Variants in KCNU1 observed in about 807,000 individuals in gnomAD.
KCNU1 encodes potassium calcium-activated channel subfamily U member 1.
A neutral mutation model predicts 126.8 loss-of-function variants in KCNU1; 93 were observed. That is an observed-to-expected ratio of 0.73 (90% CI 0.62 to 0.87). The LOEUF (loss-of-function observed/expected upper bound fraction) is 0.87. KCNU1 is among the 40% of genes least tolerant of loss of function. The pLI is 0.00. For missense variants in KCNU1, 1,330 were observed against 1,367.1 expected (o/e 0.97, Z 0.43); for synonymous variants, 523 against 494.2 (o/e 1.06, Z -0.77).
chr8:36,784,381 C>T lies in KCNU1; in HGVS notation c.-30C>T. On this transcript the variant is annotated 5_prime_UTR_variant, in exon 1 of 27. Transcript: ENST00000399881. ...GGCGACCACGGCGTCATCAAATGAC[C>T]TGGCAATTCCGTCTACTGATGTCTC... 6.4e-7 allele frequency: 1 copy of T among 1,570,418 alleles called. No individual in the cohort carries two copies. Among genetic ancestry groups the T allele is most frequent in the Non-Finnish European group, 8.7e-7 (1 of 1,150,806 alleles).
intron 19 of KCNU1, among the ~76,000 whole-genome samples, chr8:36,881,483 C>A (rs948582923): frequency 3.3e-5 from 5 of 152,054 alleles, no homozygotes; most frequent in Admixed American, 6.6e-5. Context: ...CTTCACTTCC[C>A]AAAGCACTGG....
intron 7 of KCNU1, 26 bp downstream of exon 7, chr8:36,808,819 T>A (rs1192459314): frequency 1.3e-6 from 2 of 1,537,538 alleles, no homozygotes; most frequent in African/African-American, 1.4e-5. Flanking sequence ...CAATCCCTAG[T>A]GGTGTCTGTT....
At chr8:36,829,723 A>G (rs1804460361) in intron 10 of KCNU1, among the ~76,000 whole-genome samples, 1 of 151,454 alleles carries the variant, frequency 6.6e-6, no homozygotes, top group Non-Finnish European at 1.5e-5. Flanking sequence ...TGACTGCTTT[A>G]TGCTACAAAC....
rs188166780 is a variant in KCNU1 at position 36,869,855 on chromosome 8, G to A, written c.2009+5334G>A. On this transcript the variant is annotated intron_variant, in intron 19 of 26. Transcript: ENST00000399881. Reference sequence around the variant, plus strand: ...ATGTCTCTGGTTCTTAGACTTCTACGTTTTTGCTACCACTTTCTTTCACAT... The same window carrying A: ...ATGTCTCTGGTTCTTAGACTTCTACATTTTTGCTACCACTTTCTTTCACAT... 1.5e-3 allele frequency among the ~76,000 whole-genome samples: 224 copies of A among 152,146 alleles called. 1 individual carries two copies. Among genetic ancestry groups the A allele is most frequent in the African/African-American group, 4.7e-3 (195 of 41,506 alleles).
chr8:36,888,761 T>A, intron 19 of KCNU1: 1 of 533,924 alleles, frequency 1.9e-6, no homozygotes, highest in Non-Finnish European at 3.8e-6. Context: ...TATCAAAGAT[T>A]ACATGAAATC....
At chr8:36,808,096 A>C (rs1315919461) in intron 6 of KCNU1, among the ~76,000 whole-genome samples, 4 of 152,130 alleles carry the variant, frequency 2.6e-5, no homozygotes, top group Admixed American at 6.5e-5. Flanking sequence ...GTGTTTATGA[A>C]TTATGGAGAA....
At chr8:36,835,344 TTTTC>T (rs1051443835) in intron 12 of KCNU1, among the ~76,000 whole-genome samples, 4 of 150,472 alleles carry the variant, frequency 2.7e-5, no homozygotes, top group African/African-American at 9.7e-5. Context: ...TTTTCTTTTC[TTTTC>T]TTTTTTTTTT....
intron 16 of KCNU1, among the ~76,000 whole-genome samples, 163 bp from the exon 17 acceptor site, chr8:36,845,417 A>G (rs551605861): frequency 6.6e-6 from 1 of 152,200 alleles, no homozygotes; most frequent in Non-Finnish European, 1.5e-5. Flanking sequence ...AAAGAATTAC[A>G]AATGTCAAAT....
At chr8:36,913,748 C>T (rs1351968031) in intron 22 of KCNU1, among the ~76,000 whole-genome samples, 1 of 151,954 alleles carries the variant, frequency 6.6e-6, no homozygotes, top group Non-Finnish European at 1.5e-5. Flanking sequence ...ACTACAGGCA[C>T]CCGCCACCAT....
intron 19 of KCNU1, among the ~76,000 whole-genome samples, chr8:36,897,738 C>T (rs547650840): frequency 6.6e-6 from 1 of 152,102 alleles, no homozygotes; most frequent in African/African-American, 2.4e-5. Flanking sequence ...ACCTTTCATC[C>T]CTAGTCACAG....
Position 36,822,387 on chromosome 8 carries a change from G to A in KCNU1, c.1106+4627G>A, listed in dbSNP as rs113839857. Among the ~76,000 whole-genome samples, 341 of 152,088 alleles carry A rather than the reference G, an allele frequency of 2.2e-3. 11 individuals are homozygous for A. The highest frequency in any genetic ancestry group is 7.9e-3 in the African/African-American group (326 of 41,492). On this transcript the variant is annotated intron_variant, in intron 10 of 26. Coordinates refer to ENST00000399881, the MANE Select transcript of KCNU1 (RefSeq NM_001031836.3). ...ATGTTCTAGACCACTAAAGCTCTCAGCCAAAGTCAGTCCTATAAAGGACTC... is the reference window on the plus strand; with the variant it reads ...ATGTTCTAGACCACTAAAGCTCTCAACCAAAGTCAGTCCTATAAAGGACTC...
chr8:36,844,540 G>A (rs1229664032), intron 16 of KCNU1, among the ~76,000 whole-genome samples: 1 of 152,164 alleles, frequency 6.6e-6, no homozygotes, highest in Non-Finnish European at 1.5e-5. Flanking sequence ...TAAATACTCA[G>A]AAAAGGCCAT....
In KCNU1 at chr8:36,784,492, A is replaced by T. The variant is rs776353977; in HGVS notation, c.82A>T (p.Ile28Phe). ...CACAACTGAGATCCAAGCAGCATTC[A>T]TTCTCTCTTCCTTTGTGACCTTCTT... ...SCTTEIQAAFILSSFVTFFSG... is the reference protein window; with the variant it reads ...SCTTEIQAAFFLSSFVTFFSG... The change falls in exon 1 of 27, where the codon ATT becomes TTT. Residue 28 changes from isoleucine to phenylalanine, a missense_variant. Transcript: ENST00000399881. The T allele has an allele frequency of 6.2e-7, 1 of 1,613,804 alleles. No individual in the cohort carries two copies. The highest frequency in any genetic ancestry group is 8.5e-7 in the Non-Finnish European group (1 of 1,179,826).
chr8:36,869,068 C>T (rs1806009588), intron 19 of KCNU1, among the ~76,000 whole-genome samples: 1 of 152,084 alleles, frequency 6.6e-6, no homozygotes, highest in South Asian at 2.1e-4. Context: ...TTTAGTAAAA[C>T]TGATTTTAAT....
At chr8:36,935,070 G>A (rs1471287557) in intron 26 of KCNU1, among the ~76,000 whole-genome samples, 1 of 152,078 alleles carries the variant, frequency 6.6e-6, no homozygotes, top group South Asian at 2.1e-4. Context: ...TCTTTCTGTT[G>A]ACAAAGCTTG....
At chr8:36,930,810 A>G in intron 24 of KCNU1, 141 bp from the exon 25 acceptor site, 2 of 528,342 alleles carry the variant, frequency 3.8e-6, no homozygotes, top group Non-Finnish European at 6.3e-6. Context: ...GCTGCATTAG[A>G]TAATAATAAT....
chr8:36,859,144 TCTAA>T (rs1451226432), intron 18 of KCNU1, among the ~76,000 whole-genome samples: 3 of 152,178 alleles, frequency 2.0e-5, no homozygotes, highest in African/African-American at 7.2e-5. Context: ...AGATCCTGGT[TCTAA>T]CTAAAATGTG....
intron 18 of KCNU1, among the ~76,000 whole-genome samples, chr8:36,858,818 T>C (rs1478638089): frequency 1.3e-5 from 2 of 152,234 alleles, no homozygotes; most frequent in Non-Finnish European, 2.9e-5. Context: ...TATTTTATGA[T>C]ATCTAGGGAT....
At chr8:36,787,864 A>ATG (rs1802770288) in intron 2 of KCNU1, among the ~76,000 whole-genome samples, 1 of 142,064 alleles carries the variant, frequency 7.0e-6, no homozygotes, top group Non-Finnish European at 1.5e-5. Context: ...GACTAATTAT[A>ATG]TATTTATAAT....
Sources: allele counts gnomAD v4.1 joint callset (sites outside exome capture counted in the v4.1 genomes callset), GRCh38; gene constraint gnomAD v4.1.1; transcripts MANE v1.5; gene names NCBI Gene and HGNC (gene_info 2026-07-23, HGNC 2026-07-21).